Variants in KCNK2 observed in about 807,000 individuals in gnomAD.
KCNK2 encodes potassium channel subfamily K member 2.
In KCNK2, 21 loss-of-function variants were observed where a neutral mutation model predicts 40.5. The observed-to-expected ratio is 0.52, with a 90% CI of 0.37 to 0.75. KCNK2 has a LOEUF of 0.75. KCNK2 is among the 30% of genes least tolerant of loss of function. The pLI, the probability that KCNK2 is intolerant of heterozygous loss-of-function variation, is 0.00. For missense variants in KCNK2, 399 were observed against 531.6 expected (o/e 0.75, Z 2.45); for synonymous variants, 191 against 202.2 (o/e 0.94, Z 0.47).
At chr1:215,062,694 T>A (rs1658400675) in intron 1 of KCNK2, among the ~76,000 whole-genome samples, 1 of 151,510 alleles carries the variant, frequency 6.6e-6, no homozygotes, top group Non-Finnish European at 1.5e-5. Context: ...TGAGAGAGAG[T>A]TGGCTACAGA....
intron 2 of KCNK2, among the ~76,000 whole-genome samples, chr1:215,122,396 G>T (rs1208906645): frequency 6.6e-6 from 1 of 152,012 alleles, no homozygotes; most frequent in Non-Finnish European, 1.5e-5. Context: ...TTAAAAGAAA[G>T]ATAATGAAGG....
chr1:215,230,522 TATATATATATGTATATATATACAC>T lies in KCNK2; in HGVS notation c.964-4304_964-4281del, dbSNP rs1176903325. 2.9e-3 allele frequency among the ~76,000 whole-genome samples: 255 copies of T among 89,208 alleles called. 5 individuals carry two copies. The highest frequency in any genetic ancestry group is 3.8e-3 in the Non-Finnish European group (187 of 48,894). 58.5% of individuals were successfully genotyped at this position (89,208 alleles called of 152,430 possible). On this transcript the variant is annotated intron_variant, in intron 6 of 6. Coordinates refer to ENST00000444842, the MANE Select transcript of KCNK2 (RefSeq NM_001017425.3). ...ACACACGGCTGTATATATATATATA[TATATATATATGTATATATATACAC>T]ACACATAACAGCCATATATATATAT...
At chr1:215,209,353 T>TGC (rs1168177371) in intron 6 of KCNK2, among the ~76,000 whole-genome samples, 2 of 79,746 alleles carry the variant, frequency 2.5e-5, no homozygotes, top group East Asian at 7.9e-4. Flanking sequence ...ATATATATTA[T>TGC]ATATAATATA....
chr1:215,086,266 C>T, intron 1 of KCNK2, 102 bp from the exon 2 acceptor site: 4 of 919,380 alleles, frequency 4.4e-6, no homozygotes, highest in South Asian at 1.7e-5. Flanking sequence ...ACTAGGAGAG[C>T]GAGCGGAATT....
Position 215,220,572 on chromosome 1 carries a change from G to A in KCNK2, c.964-14256G>A, listed in dbSNP as rs182665555. Among the ~76,000 whole-genome samples the A allele has an allele frequency of 3.3e-5, 5 of 152,250 alleles. No individual in the cohort carries two copies. The East Asian group carries it at 9.7e-4, about 29-fold the overall frequency. On this transcript the variant is annotated intron_variant, in intron 6 of 6. Coordinates refer to ENST00000444842, the MANE Select transcript of KCNK2 (RefSeq NM_001017425.3). ...CCTCTCCCAAAGCAACTGCACGGAT[G>A]GCTAACTAGTTCTGCTCCATTTCAC...
chr1:215,139,722 C>CA (rs1307168815), intron 3 of KCNK2, among the ~76,000 whole-genome samples: 2 of 149,232 alleles, frequency 1.3e-5, no homozygotes, highest in Non-Finnish European at 3.0e-5. Flanking sequence ...GGTGGAGGTT[C>CA]AAAAAAAAAG....
chr1:215,012,264 C>T (rs1341050683), intron 1 of KCNK2, among the ~76,000 whole-genome samples: 1 of 152,120 alleles, frequency 6.6e-6, no homozygotes, highest in Non-Finnish European at 1.5e-5. Context: ...TGCATGTCCA[C>T]CAGCCGGGTA....
At chr1:215,042,537 G>C (rs1162752356) in intron 1 of KCNK2, among the ~76,000 whole-genome samples, 4 of 152,182 alleles carry the variant, frequency 2.6e-5, no homozygotes, top group Non-Finnish European at 5.9e-5. Flanking sequence ...GAAGTAAAAT[G>C]AGTAGACAAA....
rs80185209 is a variant in KCNK2 at position 215,016,285 on chromosome 1, T to TAGAGGATGCAATA, written c.34+10333_34+10334insGGATGCAATAAGA. On this transcript the variant is annotated intron_variant, in intron 1 of 6. Coordinates refer to the KCNK2 transcript ENST00000391895. ...TGAAAAATACAAGAGTTAAGAGATA[T>TAGAGGATGCAATA]AGAACACATAAGCAATCTTGAGCAA... Among the ~76,000 whole-genome samples, 1,206 of 151,698 alleles carry TAGAGGATGCAATA rather than the reference T, an allele frequency of 8.0e-3. 16 individuals are homozygous for TAGAGGATGCAATA. Among genetic ancestry groups the TAGAGGATGCAATA allele is most frequent in the Admixed American group, 0.027 (412 of 15,236 alleles).
At chr1:215,222,774 T>C (rs1182285132) in intron 6 of KCNK2, among the ~76,000 whole-genome samples, 2 of 151,598 alleles carry the variant, frequency 1.3e-5, no homozygotes, top group Admixed American at 1.3e-4. Flanking sequence ...AAGAGAATAA[T>C]TGGAAATGTT....
At chr1:215,093,859 T>C (rs1659853736) in intron 2 of KCNK2, among the ~76,000 whole-genome samples, 4 of 47,136 alleles carry the variant, frequency 8.5e-5, no homozygotes, top group South Asian at 5.2e-4. Context: ...ATATATTATA[T>C]ATAAAAATAT....
intron 1 of KCNK2, among the ~76,000 whole-genome samples, chr1:215,048,251 G>A (rs4655388): frequency 0.29 from 44,477 of 151,972 alleles, 7,762 homozygotes; most frequent in South Asian, 0.6. Context: ...TGTGAATTTG[G>A]TATTGACTCT....
intron 3 of KCNK2, among the ~76,000 whole-genome samples, chr1:215,137,438 A>G (rs1661980852): frequency 6.6e-6 from 1 of 152,248 alleles, no homozygotes; most frequent in South Asian, 2.1e-4. Flanking sequence ...TAATGGCAGA[A>G]TCAAATACTT....
At chr1:215,201,985 T>C (rs1202557026) in intron 6 of KCNK2, among the ~76,000 whole-genome samples, 1 of 152,164 alleles carries the variant, frequency 6.6e-6, no homozygotes, top group African/African-American at 2.4e-5. Flanking sequence ...AGGGGGGCAA[T>C]ACTGTTTGGT....
At chr1:215,019,538 C>T (rs141065267) in intron 1 of KCNK2, among the ~76,000 whole-genome samples, 3,908 of 152,250 alleles carry the variant, frequency 0.026, 80 homozygotes, top group Non-Finnish European at 0.038. Flanking sequence ...TCTATGCGCT[C>T]ATGGTTGTTA....
At position 215,093,736 on chromosome 1, in the gene KCNK2, T is replaced by A. The variant is rs1285437761; in HGVS notation, c.357+7058T>A. On this transcript the variant is annotated intron_variant, in intron 2 of 6. Transcript: ENST00000444842. ...ATATTATATAAAAATATATAATATATAATATAAAAATATATTATATATTAT... is the reference window on the plus strand; with the variant it reads ...ATATTATATAAAAATATATAATATAAAATATAAAAATATATTATATATTAT... Among the ~76,000 whole-genome samples the A allele has an allele frequency of 1.2e-4, 11 of 90,064 alleles. No individual in the cohort carries two copies. In the South Asian group the frequency reaches 2.6e-3, roughly 21 times the overall value. The allele number at this position is 90,064 out of a possible 152,430, so 59.1% of individuals were successfully genotyped here. A position where few individuals can be genotyped will look rare whatever the true frequency, so the allele number is the denominator to read the frequency against.
At chr1:215,012,736 C>T (rs1226598575) in intron 1 of KCNK2, among the ~76,000 whole-genome samples, 1 of 148,112 alleles carries the variant, frequency 6.8e-6, no homozygotes, top group African/African-American at 2.5e-5. Context: ...TGGACATTTG[C>T]TTCCTTATTG....
intron 5 of KCNK2, among the ~76,000 whole-genome samples, chr1:215,179,967 C>T (rs1205928561): frequency 2.0e-5 from 3 of 151,770 alleles, no homozygotes; most frequent in African/African-American, 7.3e-5. Context: ...GTTGAGGTCC[C>T]TCACTCTTAT....
At chr1:215,037,988 G>A (rs1490818526) in intron 1 of KCNK2, among the ~76,000 whole-genome samples, 1 of 151,952 alleles carries the variant, frequency 6.6e-6, no homozygotes, top group Non-Finnish European at 1.5e-5. Flanking sequence ...GGCAGCTGGT[G>A]TGTTCAGTGA....
Sources: gnomAD v4.1 joint callset for allele counts (sites outside exome capture counted in the v4.1 genomes callset) on GRCh38, gnomAD v4.1.1 for gene constraint, MANE v1.5 for transcripts, NCBI Gene and HGNC (gene_info 2026-07-23, HGNC 2026-07-21) for gene names.